The following WWOX variants were observed in gnomAD, a reference collection of about 807,000 sequenced individuals.
WWOX encodes the protein WW domain containing oxidoreductase.
A neutral mutation model predicts 46.2 loss-of-function variants in WWOX; 69 were observed. The ratio of observed to expected loss-of-function variants is 1.49; its 90% CI spans 1.23 to 1.82. WWOX has a LOEUF of 1.82. Ranked by LOEUF, WWOX falls within the 40% of genes most tolerant of loss-of-function variation. The pLI, the probability that WWOX is intolerant of heterozygous loss-of-function variation, is 0.00. For missense variants in WWOX, 919 were observed against 542.6 expected, an observed-to-expected ratio of 1.69 and a Z score of -6.89; for synonymous variants, 359 against 202.6, an observed-to-expected ratio of 1.77 and a Z score of -6.56.
chr16:79,012,837 G>T (rs893504589), intron 8 of WWOX, among the ~76,000 whole-genome samples: 7 of 152,334 alleles, frequency 4.6e-5, no homozygotes, highest in Middle Eastern at 3.4e-3. Flanking sequence ...CCACCAACAT[G>T]GCCCGTGGCA....
chr16:78,784,481 G>C (rs1191251720), intron 8 of WWOX, among the ~76,000 whole-genome samples: 1 of 152,048 alleles, frequency 6.6e-6, no homozygotes, highest in African/African-American at 2.4e-5. Flanking sequence ...TACTAGATAA[G>C]AGTACAGTCT....
At chr16:78,624,338 C>G (rs957649146) in intron 8 of WWOX, among the ~76,000 whole-genome samples, 3 of 152,034 alleles carry the variant, frequency 2.0e-5, no homozygotes, top group African/African-American at 7.2e-5. Context: ...CTTTGCTAAC[C>G]AAACCCTAAA....
chr16:79,075,052 C>T (rs1344169724), intron 8 of WWOX, among the ~76,000 whole-genome samples: 1 of 152,142 alleles, frequency 6.6e-6, no homozygotes, highest in Non-Finnish European at 1.5e-5. Context: ...TATGAAAAAT[C>T]ACTATGGAAG....
At chr16:78,862,526 A>G (rs2043913601) in intron 8 of WWOX, among the ~76,000 whole-genome samples, 1 of 152,118 alleles carries the variant, frequency 6.6e-6, no homozygotes, top group African/African-American at 2.4e-5. Context: ...AGATATATAT[A>G]AAGATTTTTA....
rs1035096409 is a variant in WWOX, at chr16:78,222,205, C to G, written c.516+57916C>G. On this transcript the variant is annotated intron_variant, in intron 5 of 8. Transcript: ENST00000566780. ...AAAAGAAGCCAACTCCCAGGGGGCA[C>G]GAGGGGCTAAGCTGTCTCCTGGGAA... Among the ~76,000 whole-genome samples the G allele has an allele frequency of 2.0e-5, 3 of 152,010 alleles. No individual in the cohort carries two copies. In the South Asian group the frequency reaches 6.2e-4, roughly 31 times the overall value.
intron 8 of WWOX, among the ~76,000 whole-genome samples, chr16:78,565,247 G>T (rs1385812308): frequency 6.6e-6 from 1 of 152,176 alleles, no homozygotes; most frequent in Non-Finnish European, 1.5e-5. Context: ...AAACGTACTG[G>T]CTTTAAACAA....
intron 1 of WWOX, among the ~76,000 whole-genome samples, chr16:78,107,251 A>G (rs980793862): frequency 2.0e-5 from 3 of 152,216 alleles, no homozygotes; most frequent in South Asian, 4.1e-4. Flanking sequence ...AAATAATTGT[A>G]TGTTTTCCTG....
chr16:78,914,606 G>A (rs1280265593), intron 8 of WWOX, among the ~76,000 whole-genome samples: 2 of 151,982 alleles, frequency 1.3e-5, no homozygotes, highest in Non-Finnish European at 2.9e-5. Flanking sequence ...CAGGCCGGGA[G>A]CAGCGGCTCA....
At chr16:78,361,829 C>G (rs1359087232) in intron 5 of WWOX, among the ~76,000 whole-genome samples, 2 of 152,030 alleles carry the variant, frequency 1.3e-5, no homozygotes, top group African/African-American at 4.8e-5. Context: ...CCAGGCTGGT[C>G]TCAAACTCCT....
At chr16:78,628,528 C>A (rs888159483) in intron 8 of WWOX, among the ~76,000 whole-genome samples, 2 of 152,226 alleles carry the variant, frequency 1.3e-5, no homozygotes, top group Middle Eastern at 3.4e-3. Context: ...AGGATAAGAA[C>A]TATATTTTCT....
chr16:78,990,934 A>C (rs1444984350), intron 8 of WWOX, among the ~76,000 whole-genome samples: 1 of 152,110 alleles, frequency 6.6e-6, no homozygotes, highest in East Asian at 1.9e-4. Flanking sequence ...CATGCTGAGA[A>C]AGAAGAACCG....
intron 5 of WWOX, among the ~76,000 whole-genome samples, chr16:78,221,686 C>G (rs1015658118): frequency 8.5e-5 from 13 of 152,112 alleles, no homozygotes; most frequent in African/African-American, 2.9e-4. Flanking sequence ...AGAGCTAAGC[C>G]TTGTTTGATG....
intron 8 of WWOX, among the ~76,000 whole-genome samples, chr16:78,679,997 G>A (rs954807683): frequency 9.9e-5 from 15 of 152,214 alleles, no homozygotes; most frequent in Non-Finnish European, 1.8e-4. Flanking sequence ...ACCACTAACT[G>A]ACTCCATGCG....
chr16:78,550,545 A>G (rs1423471939), intron 8 of WWOX, among the ~76,000 whole-genome samples: 2 of 152,084 alleles, frequency 1.3e-5, no homozygotes, highest in Non-Finnish European at 2.9e-5. Flanking sequence ...TTCTTTTTTG[A>G]TTTTCATGGT....
At chr16:78,387,669 C>T (rs1731828703) in intron 6 of WWOX, among the ~76,000 whole-genome samples, 2 of 152,118 alleles carry the variant, frequency 1.3e-5, no homozygotes, top group African/African-American at 4.8e-5. Flanking sequence ...GCAAGCTACA[C>T]TAATTACAAT....
chr16:78,239,254 G>A (rs2037545290), intron 5 of WWOX, among the ~76,000 whole-genome samples: 1 of 152,178 alleles, frequency 6.6e-6, no homozygotes, highest in Non-Finnish European at 1.5e-5. Context: ...AGTCTAAGCT[G>A]TTGACCAGCT....
chr16:78,312,118 A>C (rs946088697), intron 5 of WWOX, among the ~76,000 whole-genome samples: 7 of 152,258 alleles, frequency 4.6e-5, no homozygotes, highest in South Asian at 4.2e-4. Flanking sequence ...CTTACTTTTA[A>C]GGACCCTTGT....
chr16:79,204,495 A>G (rs760316167), intron 8 of WWOX: 33 of 152,224 alleles, frequency 2.2e-4, no homozygotes, highest in Non-Finnish European at 3.8e-4. Flanking sequence ...ATAATTCTGA[A>G]TGTTACAACT....
At chr16:78,932,708 A>G (rs998944840) in intron 8 of WWOX, among the ~76,000 whole-genome samples, 1 of 152,192 alleles carries the variant, frequency 6.6e-6, no homozygotes, top group African/African-American at 2.4e-5. Context: ...GACTATATCC[A>G]CATCACAGAG....
Sources: allele counts gnomAD v4.1 joint callset (sites outside exome capture counted in the v4.1 genomes callset), GRCh38; gene constraint gnomAD v4.1.1; transcripts MANE v1.5; gene names NCBI Gene and HGNC (gene_info 2026-07-23, HGNC 2026-07-21).